RC3H1: variants seen among roughly 807,000 people sequenced by gnomAD.
RC3H1 encodes the protein ring finger and CCCH-type domains 1, also known as roquin-1.
Under a neutral mutation model 138.2 loss-of-function variants are expected in RC3H1, and 50 were observed. The observed-to-expected ratio is 0.36, with a 90% CI of 0.29 to 0.46. The LOEUF is 0.46. Ranked by LOEUF, RC3H1 falls within the 20% of genes least tolerant of loss-of-function variation. RC3H1 has a pLI of 1.00. For missense variants in RC3H1, 1,031 were observed against 1,388.1 expected (o/e 0.74, Z 4.09); for synonymous variants, 462 against 489.1 (o/e 0.94, Z 0.73).
intron 1 of RC3H1, among the ~76,000 whole-genome samples, chr1:174,019,820 A>T (rs72711438): frequency 2.6e-5 from 4 of 152,104 alleles, no homozygotes; most frequent in African/African-American, 9.7e-5. Flanking sequence ...AATTCCCTAA[A>T]TTTTTTTCCT....
chr1:174,017,783 C>CCAAAAAAAAAAAAAAAAAAAAAAAAA (rs1165317766), intron 1 of RC3H1, among the ~76,000 whole-genome samples: 4 of 72,038 alleles, frequency 5.6e-5, no homozygotes, highest in Admixed American at 1.7e-4. Flanking sequence ...TTTTCTTGCT[C>CCAAAAAAAAAAAAAAAAAAAAAAAAA]AAAAAAAAAA....
At chr1:173,971,544 G>A (rs1304745013) in intron 8 of RC3H1, among the ~76,000 whole-genome samples, 1 of 152,272 alleles carries the variant, frequency 6.6e-6, no homozygotes, top group East Asian at 1.9e-4. Flanking sequence ...GGATGGATTT[G>A]AAAGTTAATG....
intron 2 of RC3H1, among the ~76,000 whole-genome samples, chr1:173,986,960 G>A (rs1188069933): frequency 2.6e-5 from 4 of 152,118 alleles, no homozygotes; most frequent in Non-Finnish European, 5.9e-5. Flanking sequence ...GGTCTGGTAT[G>A]TTGTAGAATG....
rs1357745728 is a variant in RC3H1, at chr1:173,961,792, T to C, written c.2135A>G (p.Tyr712Cys). ...PSYVPESRER[Y>C]QQIESYYPVA... ...TGGATAGTAACTCTCGATCTGTTGGTATCTTTCTCTGGATTCTGGTACATA... is the reference window on the plus strand; with the variant it reads ...TGGATAGTAACTCTCGATCTGTTGGCATCTTTCTCTGGATTCTGGTACATA... Residue 712 changes from tyrosine to cysteine, a missense_variant, in exon 12 of 20, where the codon TAC becomes TGC. Physicochemically the swap from Tyr to Cys is radical, Grantham distance 194. Around this residue, in one of 7 missense-constraint regions of RC3H1, gnomAD observed 716 missense variants for 837.9 expected, o/e 0.85. Transcript: ENST00000367696. 1 of 1,613,348 alleles carries C rather than the reference T, an allele frequency of 6.2e-7. No individual in the cohort carries two copies. The highest frequency in any genetic ancestry group is 8.5e-7 in the Non-Finnish European group (1 of 1,180,014).
chr1:174,022,289 C>T lies in RC3H1; in HGVS notation c.-344G>A. ...GCTGCTGCTGAGGCTGCTCCTGCAGCAGGGGCCATCTTGTTGCTCGGCCTC... is the reference window on the plus strand; with the variant it reads ...GCTGCTGCTGAGGCTGCTCCTGCAGTAGGGGCCATCTTGTTGCTCGGCCTC... On this transcript the variant is annotated 5_prime_UTR_variant, in exon 1 of 20. Transcript: ENST00000367696. This position sits in a 1 kb window ranked among gnomAD's most constrained non-coding sequence, Gnocchi z 4.2. 1 of 385,434 alleles carries T rather than the reference C, an allele frequency of 2.6e-6. No individual in the cohort carries two copies. The highest frequency in any genetic ancestry group is 4.6e-6 in the Non-Finnish European group (1 of 217,886). 23.9% of individuals were successfully genotyped at this position (385,434 alleles called of 1,614,324 possible).
chr1:173,966,700 G>GC (rs1660134154), intron 9 of RC3H1, among the ~76,000 whole-genome samples: 1 of 151,574 alleles, frequency 6.6e-6, no homozygotes, highest in Non-Finnish European at 1.5e-5. Context: ...GGGCGACAGA[G>GC]CGAGACCCTG....
intron 1 of RC3H1, among the ~76,000 whole-genome samples, chr1:174,013,416 A>G (rs749343796): frequency 2.7e-4 from 41 of 151,770 alleles, no homozygotes; most frequent in Admixed American, 9.2e-4. Flanking sequence ...ATTTAAATGT[A>G]TCCATACAAT....
At chr1:173,955,376 G>A (rs536260730) in intron 13 of RC3H1, among the ~76,000 whole-genome samples, 1 of 144,500 alleles carries the variant, frequency 6.9e-6, no homozygotes, top group South Asian at 2.3e-4. Flanking sequence ...GGAGTGCAGT[G>A]GCGCGATCTC....
At position 173,935,057 on chromosome 1, in the gene RC3H1, A is replaced by G. The variant is rs1048597850; in HGVS notation, c.*3664T>C. 13 of 152,166 alleles carry G rather than the reference A, an allele frequency of 8.5e-5. No individual in the cohort carries two copies. The highest frequency in any genetic ancestry group is 1.9e-4 in the Non-Finnish European group (13 of 68,028). 9.4% of individuals were successfully genotyped at this position (152,166 alleles called of 1,614,324 possible). On this transcript the variant is annotated 3_prime_UTR_variant, in exon 20 of 20. Transcript: ENST00000367696. ...TTTTAAATACATTCTGAGTAGTTGA[A>G]TATTTGTAGTTGGCATTAGGAATAA... is the stretch of plus-strand genomic sequence containing the variant.
intron 17 of RC3H1, among the ~76,000 whole-genome samples, chr1:173,946,258 T>A (rs921397675): frequency 6.6e-6 from 1 of 152,174 alleles, no homozygotes; most frequent in African/African-American, 2.4e-5. Flanking sequence ...TTGGGAAATT[T>A]TACGTAATCT....
intron 1 of RC3H1, among the ~76,000 whole-genome samples, chr1:174,009,823 G>A (rs1661718165): frequency 6.6e-6 from 1 of 152,182 alleles, no homozygotes; most frequent in Non-Finnish European, 1.5e-5. Flanking sequence ...GGGCCACAGA[G>A]CAAGACTCAG....
chr1:173,970,702 A>C, intron 8 of RC3H1, 85 bp from the exon 9 acceptor site: 1 of 806,698 alleles, frequency 1.2e-6, no homozygotes, highest in Non-Finnish European at 2.0e-6. Context: ...GGATCTTGAT[A>C]ATCTAGATAA....
In RC3H1 at chr1:173,980,123, C is replaced by CA. The variant is rs1347657516; in HGVS notation, c.969+685_969+686insT. 4.0e-5 allele frequency among the ~76,000 whole-genome samples: 6 copies of CA among 151,778 alleles called. No individual in the cohort carries two copies. The South Asian group carries it at 1.2e-3, about 32-fold the overall frequency. Reference sequence around the variant, plus strand: ...GAACTCCTGGCCTCAAGCAATCCCCCCACCTTGGCCTCTCAAAGTGCTGAG... The same window carrying CA: ...GAACTCCTGGCCTCAAGCAATCCCCCACACCTTGGCCTCTCAAAGTGCTGAG... On this transcript the variant is annotated intron_variant, in intron 6 of 19. Coordinates refer to ENST00000367696, the MANE Select transcript of RC3H1 (RefSeq NM_172071.4).
intron 1 of RC3H1, among the ~76,000 whole-genome samples, chr1:174,015,532 T>A (rs1661845906): frequency 6.8e-6 from 1 of 148,062 alleles, no homozygotes; most frequent in South Asian, 2.1e-4. Context: ...GCCCGGCTAA[T>A]TTTTTTGTAT....
intron 2 of RC3H1, among the ~76,000 whole-genome samples, chr1:173,991,716 C>G (rs1023273898): frequency 6.6e-6 from 1 of 152,126 alleles, no homozygotes; most frequent in Non-Finnish European, 1.5e-5. Context: ...TTGAGATGAT[C>G]ATATGTGTGC....
At chr1:174,006,034 C>T (rs1179419012) in intron 1 of RC3H1, among the ~76,000 whole-genome samples, 2 of 152,032 alleles carry the variant, frequency 1.3e-5, no homozygotes, top group African/African-American at 4.8e-5. Context: ...GACAAAACCC[C>T]GTCTCTACTA....
At chr1:173,989,884 G>A (rs1571228946) in intron 2 of RC3H1, among the ~76,000 whole-genome samples, 1 of 149,480 alleles carries the variant, frequency 6.7e-6, no homozygotes, top group Non-Finnish European at 1.5e-5. Context: ...CCGCCACCGC[G>A]CCCGGCTAAT....
At chr1:173,992,669 AACACAC>A (rs34709821) in intron 2 of RC3H1, 80 bp downstream of exon 2, 547 of 657,362 alleles carry the variant, frequency 8.3e-4, no homozygotes, top group South Asian at 2.1e-3. Flanking sequence ...AAACACGCAC[AACACAC>A]ACACACACAC....
intron 19 of RC3H1, 102 bp downstream of exon 19, chr1:173,941,163 T>C: frequency 1.3e-6 from 1 of 748,580 alleles, no homozygotes. Context: ...ATTTTAAGAA[T>C]CAAATTATAT....
Sources: allele counts gnomAD v4.1 joint callset (sites outside exome capture counted in the v4.1 genomes callset), GRCh38; gene constraint gnomAD v4.1.1; regional missense constraint gnomAD v4.1.1; non-coding constraint Gnocchi (gnomAD v3.1); transcripts MANE v1.5; gene names NCBI Gene and HGNC (gene_info 2026-07-23, HGNC 2026-07-21).